The following SEMA5A variants were observed in gnomAD, a reference collection of about 807,000 sequenced individuals.
SEMA5A encodes the protein semaphorin-5A.
SEMA5A carries 55 observed loss-of-function variants against 135.5 expected under a neutral mutation model. The observed-to-expected ratio is 0.41, with a 90% CI of 0.33 to 0.51. The LOEUF (loss-of-function observed/expected upper bound fraction) is 0.51, where lower values mean the gene tolerates loss of function less well. Ranked by LOEUF, SEMA5A falls within the 20% of genes least tolerant of loss-of-function variation. SEMA5A has a pLI of 0.37. For synonymous variants in SEMA5A, 580 were observed against 546.5 expected (o/e 1.06, Z -0.85); for missense variants, 1,290 against 1,419.9 (o/e 0.91, Z 1.47).
Position 9,353,164 on chromosome 5 carries a change from G to A in SEMA5A, c.125-15352C>T, listed in dbSNP as rs1224606486. Reference sequence around the variant, plus strand: ...AAGGAAAGGAAAGGAAAGGAAAGGAGGGAAAGGAAGGGAAAGGAAGGGAAG... The same window carrying A: ...AAGGAAAGGAAAGGAAAGGAAAGGAAGGAAAGGAAGGGAAAGGAAGGGAAG... On this transcript the variant is annotated intron_variant, in intron 3 of 22. Transcript: ENST00000382496. Among the ~76,000 whole-genome samples, 77 of 29,280 alleles carry A rather than the reference G, an allele frequency of 2.6e-3. 4 individuals carry two copies. The highest frequency in any genetic ancestry group is 9.2e-3 in the African/African-American group (49 of 5,322). 19.2% of individuals were successfully genotyped at this position (29,280 alleles called of 152,430 possible).
At chr5:9,280,109 T>C (rs1453608094) in intron 5 of SEMA5A, among the ~76,000 whole-genome samples, 1 of 152,162 alleles carries the variant, frequency 6.6e-6, no homozygotes, top group South Asian at 2.1e-4. Flanking sequence ...AGGAATTCCA[T>C]CCTAGGAGTA....
intron 3 of SEMA5A, among the ~76,000 whole-genome samples, chr5:9,353,440 G>C (rs538915039): frequency 6.6e-6 from 1 of 151,916 alleles, no homozygotes; most frequent in Admixed American, 6.6e-5. Flanking sequence ...CAATTTTAAA[G>C]TAAGAAGGAA....
intron 3 of SEMA5A, among the ~76,000 whole-genome samples, chr5:9,353,238 AGG>A (rs1754262394): frequency 7.0e-6 from 1 of 143,616 alleles, no homozygotes; most frequent in African/African-American, 2.7e-5. Context: ...AAGGAAAGGA[AGG>A]AAAGGGAAGG....
At chr5:9,096,738 C>T (rs913562098) in intron 16 of SEMA5A, among the ~76,000 whole-genome samples, 3 of 151,874 alleles carry the variant, frequency 2.0e-5, no homozygotes, top group East Asian at 3.9e-4. Context: ...AGAACTCATA[C>T]AACATGATAA....
chr5:9,393,030 C>T (rs774845817), intron 2 of SEMA5A, among the ~76,000 whole-genome samples: 18 of 152,120 alleles, frequency 1.2e-4, no homozygotes, highest in Admixed American at 3.9e-4. Context: ...AGCACATATG[C>T]GATGCTATAA....
intron 16 of SEMA5A, among the ~76,000 whole-genome samples, chr5:9,073,229 A>C (rs1000400150): frequency 6.6e-6 from 1 of 152,172 alleles, no homozygotes; most frequent in Non-Finnish European, 1.5e-5. Flanking sequence ...TTAAGAAATC[A>C]AACCCAAAAT....
Position 9,197,323 on chromosome 5 carries a change from G to C in SEMA5A, c.933-20C>G, listed in dbSNP as rs1440506424. The C allele has an allele frequency of 8.6e-6, 13 of 1,518,740 alleles. No individual in the cohort carries two copies. Among genetic ancestry groups the C allele is most frequent in the Non-Finnish European group, 1.1e-5 (13 of 1,139,896 alleles). 94.1% of individuals were successfully genotyped at this position (1,518,740 alleles called of 1,614,324 possible). On this transcript the variant is annotated intron_variant, in intron 9 of 22. Transcript: ENST00000382496. The stretch of plus-strand genomic sequence containing the variant: ...CTGTTCCTGGGAGCGGAGGGAGAGA[G>C]AGAAGGCAGTCAGAGAGCTCGGCAG...
At chr5:9,262,320 T>C (rs1749424137) in intron 5 of SEMA5A, among the ~76,000 whole-genome samples, 1 of 106,422 alleles carries the variant, frequency 9.4e-6, no homozygotes, top group African/African-American at 4.0e-5. Context: ...AGTTCAACCA[T>C]TGTGGAAGTC....
chr5:9,400,501 ATTT>A (rs1215358817), intron 2 of SEMA5A, among the ~76,000 whole-genome samples: 5 of 87,040 alleles, frequency 5.7e-5, no homozygotes, highest in Non-Finnish European at 2.1e-5. Flanking sequence ...CACAATGTAC[ATTT>A]TTTTTTTTTT....
intron 2 of SEMA5A, among the ~76,000 whole-genome samples, chr5:9,413,891 G>A (rs1461318210): frequency 1.3e-5 from 2 of 152,038 alleles, no homozygotes; most frequent in African/African-American, 4.8e-5. Context: ...GTTTATCGCT[G>A]GTCCTTTCAA....
chr5:9,183,958 T>C (rs1471097419), intron 11 of SEMA5A, among the ~76,000 whole-genome samples: 4 of 152,230 alleles, frequency 2.6e-5, no homozygotes, highest in Non-Finnish European at 5.9e-5. Flanking sequence ...TATATATTGT[T>C]CTACTTGAAA....
intron 11 of SEMA5A, among the ~76,000 whole-genome samples, chr5:9,159,748 C>A (rs1164825689): frequency 6.6e-6 from 1 of 152,158 alleles, no homozygotes; most frequent in African/African-American, 2.4e-5. Context: ...AAGCCACACG[C>A]ACACATATGT....
At chr5:9,182,384 T>C (rs775161677) in intron 11 of SEMA5A, among the ~76,000 whole-genome samples, 14 of 152,170 alleles carry the variant, frequency 9.2e-5, no homozygotes, top group Non-Finnish European at 1.8e-4. Context: ...CTTCAAGAAA[T>C]TAACCAAGAG....
At chr5:9,173,378 G>T (rs1319459729) in intron 11 of SEMA5A, among the ~76,000 whole-genome samples, 2 of 150,912 alleles carry the variant, frequency 1.3e-5, no homozygotes, top group Non-Finnish European at 2.9e-5. Flanking sequence ...TCCATTCAGG[G>T]TGCTATGACA....
chr5:9,464,349 A>G (rs1364581050), intron 1 of SEMA5A, among the ~76,000 whole-genome samples: 1 of 152,214 alleles, frequency 6.6e-6, no homozygotes, highest in Non-Finnish European at 1.5e-5. Flanking sequence ...CCCATGTCTT[A>G]CTAAGAGTAT....
intron 17 of SEMA5A, among the ~76,000 whole-genome samples, chr5:9,065,715 A>G (rs1275255001): frequency 6.6e-6 from 1 of 152,248 alleles, no homozygotes; most frequent in Non-Finnish European, 1.5e-5. Context: ...AACAGAAATG[A>G]AGAACAAAGC....
intron 7 of SEMA5A, among the ~76,000 whole-genome samples, chr5:9,225,462 G>A (rs896721645): frequency 1.3e-5 from 2 of 149,884 alleles, no homozygotes; most frequent in African/African-American, 4.9e-5. Flanking sequence ...CCAGCTACTC[G>A]GGAGGCTGAG....
chr5:9,270,541 T>C (rs1427996734), intron 5 of SEMA5A, among the ~76,000 whole-genome samples: 1 of 151,790 alleles, frequency 6.6e-6, no homozygotes, highest in African/African-American at 2.4e-5. Flanking sequence ...GAAAAGGAAG[T>C]ATGAAAGGTA....
intron 11 of SEMA5A, among the ~76,000 whole-genome samples, chr5:9,177,831 AC>A (rs1185811928): frequency 2.0e-5 from 3 of 152,270 alleles, no homozygotes; most frequent in Non-Finnish European, 2.9e-5. Context: ...GGAAATGGAC[AC>A]ACGGGGACAC....
Sources: gnomAD v4.1 joint callset for allele counts (sites outside exome capture counted in the v4.1 genomes callset) on GRCh38, gnomAD v4.1.1 for gene constraint, MANE v1.5 for transcripts, NCBI Gene and HGNC (gene_info 2026-07-23, HGNC 2026-07-21) for gene names.